Variants in CSMD2 observed in about 807,000 individuals in gnomAD.
CSMD2 encodes CUB and Sushi multiple domains 2, also known as CUB and sushi domain-containing protein 2.
Under a neutral mutation model 398.5 loss-of-function variants are expected in CSMD2, and 130 were observed. The ratio of observed to expected loss-of-function variants is 0.33; its 90% confidence interval spans 0.28 to 0.38. The LOEUF is 0.38. Among genes scored for constraint, CSMD2 ranks in the 10% least tolerant of loss-of-function variants. CSMD2 has a pLI of 1.00. For synonymous variants in CSMD2, 1,828 were observed against 1,908.5 expected (o/e 0.96, Z 1.10); for missense variants, 3,829 against 4,764.9 (o/e 0.80, Z 5.78).
intron 3 of CSMD2, among the ~76,000 whole-genome samples, chr1:34,031,221 C>A (rs1002899647): frequency 6.6e-6 from 1 of 151,912 alleles, no homozygotes; most frequent in Non-Finnish European, 1.5e-5. Flanking sequence ...TAACACCATG[C>A]CCGGCTAATT....
chr1:33,874,697 GA>G (rs760514154), intron 5 of CSMD2, among the ~76,000 whole-genome samples: 4 of 152,176 alleles, frequency 2.6e-5, no homozygotes, highest in Admixed American at 6.5e-5. Context: ...ATGGGCACCA[GA>G]AACCACACCT....
chr1:33,707,695 G>GCGCACACA (rs1172787777), intron 22 of CSMD2, among the ~76,000 whole-genome samples: 198 of 92,072 alleles, frequency 2.2e-3, no homozygotes, highest in Middle Eastern at 4.7e-3. Context: ...GCGCGCGCGC[G>GCGCACACA]CACACACACA....
intron 24 of CSMD2, among the ~76,000 whole-genome samples, 158 bp downstream of exon 24, chr1:33,698,595 G>C (rs1444828841): frequency 6.6e-6 from 1 of 152,218 alleles, no homozygotes; most frequent in Non-Finnish European, 1.5e-5. Flanking sequence ...AGTGGAGAAG[G>C]GGTGCAGGTG....
At chr1:34,099,672 A>G (rs1386998761) in intron 1 of CSMD2, among the ~76,000 whole-genome samples, 1 of 152,248 alleles carries the variant, frequency 6.6e-6, no homozygotes, top group Non-Finnish European at 1.5e-5. Flanking sequence ...GAGAGGATCC[A>G]GAGGGCAGTT....
At chr1:33,677,888 C>T (rs1370096575) in intron 25 of CSMD2, among the ~76,000 whole-genome samples, 1 of 140,562 alleles carries the variant, frequency 7.1e-6, no homozygotes, top group Non-Finnish European at 1.5e-5. Flanking sequence ...TGTTCTCACT[C>T]ACAGGTGGGA....
chr1:34,117,350 T>C (rs1186108131), intron 1 of CSMD2, among the ~76,000 whole-genome samples: 2 of 152,018 alleles, frequency 1.3e-5, no homozygotes, highest in Non-Finnish European at 2.9e-5. Flanking sequence ...ACAAATTGGA[T>C]AACCTAGAAG....
At position 33,611,190 on chromosome 1, in the gene CSMD2, C is replaced by A; in HGVS notation, c.6194G>T (p.Arg2065Leu). 1 of 1,614,012 alleles carries A rather than the reference C, an allele frequency of 6.2e-7. No individual in the cohort carries two copies. The highest frequency in any genetic ancestry group is 8.5e-7 in the Non-Finnish European group (1 of 1,180,014). The change falls in exon 41 of 71, where the codon CGG (arginine) becomes CTG (leucine). Residue 2065 changes from arginine to leucine, a missense_variant. By Grantham distance (102) the Arg-to-Leu change is moderately radical (BLOSUM62 -2). This residue lies in a region of CSMD2 where 2,001 missense variants were observed against 2,567.1 expected (regional missense o/e 0.78). Coordinates refer to ENST00000373381, the MANE Select transcript of CSMD2 (RefSeq NM_001281956.2). ...TEPNHDYIEIRNGPYETSRMM... is the reference protein window; with the variant it reads ...TEPNHDYIEILNGPYETSRMM... ...GCGGCTGGTCTCATAGGGGCCATTC[C>A]GGATTTCTATGTAGTCGTGGTTGGG...
intron 47 of CSMD2, 103 bp downstream of exon 47, chr1:33,583,539 T>C: frequency 8.5e-7 from 1 of 1,180,030 alleles, no homozygotes; most frequent in Non-Finnish European, 1.2e-6. Flanking sequence ...CTGTGGAGCT[T>C]CTGGCAAGCC....
In CSMD2 at chr1:33,521,456, T is replaced by C; in HGVS notation, c.10597+7A>G. Reference sequence around the variant, plus strand: ...GCCCACACTTCCGGGGGACAAGCACTAGTTACCCAGTCTTTGAAAGCCGAA... The same window carrying C: ...GCCCACACTTCCGGGGGACAAGCACCAGTTACCCAGTCTTTGAAAGCCGAA... On this transcript the variant is annotated splice_region_variant and intron_variant, in intron 68 of 70. Transcript: ENST00000373381. 1 of 1,172,232 alleles carries C rather than the reference T, an allele frequency of 8.5e-7. No individual in the cohort carries two copies. Among genetic ancestry groups the C allele is most frequent in the Non-Finnish European group, 1.2e-6 (1 of 811,100 alleles). The allele number at this position is 1,172,232 out of a possible 1,614,324, so 72.6% of individuals were successfully genotyped here.
intron 11 of CSMD2, among the ~76,000 whole-genome samples, chr1:33,791,776 C>T (rs939346692): frequency 2.0e-5 from 3 of 152,212 alleles, no homozygotes; most frequent in Non-Finnish European, 4.4e-5. Context: ...CAATACACCA[C>T]CACGCTTGGC....
chr1:33,666,314 T>C (rs1457480463), intron 25 of CSMD2, among the ~76,000 whole-genome samples: 5 of 152,236 alleles, frequency 3.3e-5, no homozygotes, highest in South Asian at 4.1e-4. Context: ...TTGGAGATAA[T>C]TGATATCTTT....
intron 5 of CSMD2, among the ~76,000 whole-genome samples, chr1:33,867,938 G>A (rs1640157717): frequency 1.3e-5 from 2 of 152,134 alleles, no homozygotes; most frequent in South Asian, 4.2e-4. Context: ...AATGTGGGTG[G>A]CCAAGTCAGA....
chr1:33,717,645 G>C (rs1432267329), intron 19 of CSMD2, among the ~76,000 whole-genome samples: 1 of 151,820 alleles, frequency 6.6e-6, no homozygotes, highest in East Asian at 2.0e-4. Flanking sequence ...GGATTAAAGG[G>C]GGACTACAGA....
intron 22 of CSMD2, among the ~76,000 whole-genome samples, chr1:33,708,850 C>T (rs566909927): frequency 1.3e-5 from 2 of 152,234 alleles, no homozygotes; most frequent in African/African-American, 4.8e-5. Flanking sequence ...TCAACCCATA[C>T]TCAATTACAC....
chr1:33,903,856 CA>C (rs914470573), intron 5 of CSMD2, among the ~76,000 whole-genome samples: 5 of 151,928 alleles, frequency 3.3e-5, no homozygotes, highest in African/African-American at 1.2e-4. Context: ...CTCTATATTT[CA>C]AAAAAACAGT....
At chr1:33,891,627 T>C (rs1265087768) in intron 5 of CSMD2, among the ~76,000 whole-genome samples, 4 of 151,868 alleles carry the variant, frequency 2.6e-5, no homozygotes, top group African/African-American at 9.7e-5. Context: ...TTATTCACAA[T>C]AGCAAAGACT....
At chr1:34,097,874 A>G (rs1427694177) in intron 1 of CSMD2, among the ~76,000 whole-genome samples, 3 of 108,246 alleles carry the variant, frequency 2.8e-5, no homozygotes, top group Non-Finnish European at 5.5e-5. Context: ...AGGGATCTAG[A>G]ACTAGAAATA....
At chr1:34,011,675 T>A (rs1329442739) in intron 3 of CSMD2, among the ~76,000 whole-genome samples, 5 of 152,182 alleles carry the variant, frequency 3.3e-5, no homozygotes, top group Admixed American at 2.6e-4. Context: ...AATCACATCA[T>A]GAAGAATGGG....
Position 33,743,551 on chromosome 1 carries a change from G to A in CSMD2, c.1902C>T (p.Tyr634=). 1 of 1,613,230 alleles carries A rather than the reference G, an allele frequency of 6.2e-7. No individual in the cohort carries two copies. Among genetic ancestry groups the A allele is most frequent in the Non-Finnish European group, 8.5e-7 (1 of 1,179,386 alleles). Residue 634 remains tyrosine (Y), a synonymous_variant, in exon 14 of 71, where the codon TAC becomes TAT. Transcript: ENST00000373381. ...SPSGVVLSPN[Y]PEDYGNHLHC... is the part of the protein sequence containing the mutation. Reference sequence around the variant, plus strand: ...GGAGGTGGTTGCCATAGTCCTCTGGGTAGTTGGGAGACAGGACAACCCCAG... The same window carrying A: ...GGAGGTGGTTGCCATAGTCCTCTGGATAGTTGGGAGACAGGACAACCCCAG...
Sources: allele counts gnomAD v4.1 joint callset (sites outside exome capture counted in the v4.1 genomes callset), GRCh38; gene constraint gnomAD v4.1.1; regional missense constraint gnomAD v4.1.1; transcripts MANE v1.5; gene names NCBI Gene and HGNC (gene_info 2026-07-23, HGNC 2026-07-21).